The following SGCG variants were observed in gnomAD, a reference collection of about 807,000 sequenced individuals.
SGCG encodes gamma-sarcoglycan.
In SGCG, 26 loss-of-function variants were observed where a neutral mutation model predicts 29.3. The observed-to-expected ratio is 0.89, with a 90% CI of 0.65 to 1.23. SGCG has a LOEUF of 1.23. Ranked by LOEUF, SGCG falls within the 50% of genes most tolerant of loss-of-function variation. The probability of loss-of-function intolerance (pLI) is 0.00; values close to 1 mark genes in which losing one functional copy is unlikely to be tolerated. For synonymous variants in SGCG, 145 were observed against 129.7 expected, an observed-to-expected ratio of 1.12 and a Z score of -0.80; for missense variants, 353 against 356.0, an observed-to-expected ratio of 0.99 and a Z score of 0.07.
intron 3 of SGCG, chr13:23,246,413 C>T (rs1190104607): frequency 6.6e-6 from 1 of 152,248 alleles, no homozygotes; most frequent in Non-Finnish European, 1.5e-5. Context: ...TTGCTGTATT[C>T]CAGGCTGCCT....
the SGCG span, among the ~76,000 whole-genome samples, chr13:23,166,326 G>C: frequency 6.6e-6 from 1 of 152,068 alleles, no homozygotes; most frequent in African/African-American, 2.4e-5. Flanking sequence ...CTCCCGAGTA[G>C]CTGGGACTAC....
At chr13:23,306,250 A>C (rs540031821) in intron 6 of SGCG, among the ~76,000 whole-genome samples, 1 of 152,256 alleles carries the variant, frequency 6.6e-6, no homozygotes, top group East Asian at 1.9e-4. Flanking sequence ...TTCTGGAATA[A>C]TTTGTGGAGT....
At chr13:23,320,253 G>A (rs567253225) in intron 6 of SGCG, among the ~76,000 whole-genome samples, 15 of 152,172 alleles carry the variant, frequency 9.9e-5, no homozygotes, top group African/African-American at 3.4e-4. Context: ...CAACTGTGAA[G>A]AGCCACTGCA....
intron 6 of SGCG, among the ~76,000 whole-genome samples, chr13:23,304,392 A>C (rs34497783): frequency 0.087 from 13,153 of 151,878 alleles, 653 homozygotes; most frequent in South Asian, 0.13. Context: ...GTCTAATTCT[A>C]ATTTTATCTT....
intron 4 of SGCG, among the ~76,000 whole-genome samples, chr13:23,259,884 T>C (rs939300726): frequency 6.6e-6 from 1 of 152,244 alleles, no homozygotes; most frequent in African/African-American, 2.4e-5. Context: ...TGAGTTCTAA[T>C]TTGATTGCAC....
At chr13:23,214,445 A>G (rs987623321) in intron 2 of SGCG, among the ~76,000 whole-genome samples, 24 of 152,204 alleles carry the variant, frequency 1.6e-4, no homozygotes, top group Middle Eastern at 3.2e-3. Context: ...GTGGGAAGGA[A>G]GAGCAGTGCA....
At chr13:23,183,829 A>G (rs1876850217) in intron 1 of SGCG, among the ~76,000 whole-genome samples, 1 of 152,032 alleles carries the variant, frequency 6.6e-6, no homozygotes, top group Admixed American at 6.6e-5. Flanking sequence ...CACCATGCCC[A>G]GCTAATTTTT....
chr13:23,229,667 T>A (rs1879032877), intron 2 of SGCG, among the ~76,000 whole-genome samples: 1 of 152,198 alleles, frequency 6.6e-6, no homozygotes, highest in Non-Finnish European at 1.5e-5. Context: ...AAGTTCCTTG[T>A]AGATTCTGGA....
chr13:23,183,593 T>C (rs1221804953), intron 1 of SGCG, among the ~76,000 whole-genome samples: 1 of 152,216 alleles, frequency 6.6e-6, no homozygotes, highest in African/African-American at 2.4e-5. Flanking sequence ...AGTGACTGTT[T>C]ACCTTTCCCA....
chr13:23,314,382 TTATA>T (rs201480793), intron 6 of SGCG, among the ~76,000 whole-genome samples: 25 of 78,622 alleles, frequency 3.2e-4, no homozygotes, highest in African/African-American at 5.7e-4. Flanking sequence ...CTGCTATAGG[TTATA>T]TATATATATA....
intron 1 of SGCG, 69 bp from the exon 2 acceptor site, chr13:23,203,626 A>T: frequency 8.7e-7 from 1 of 1,148,596 alleles, no homozygotes; most frequent in Non-Finnish European, 1.3e-6. Flanking sequence ...AATCAGTATT[A>T]AACAAGTTGC....
chr13:23,314,187 TATAGAG>T (rs901426286), intron 6 of SGCG, among the ~76,000 whole-genome samples: 6 of 96,862 alleles, frequency 6.2e-5, no homozygotes, highest in African/African-American at 1.2e-4. Context: ...TATATATATA[TATAGAG>T]AGAGAGAGAG....
chr13:23,314,499 A>G (rs1044421586), intron 6 of SGCG, among the ~76,000 whole-genome samples: 3 of 137,936 alleles, frequency 2.2e-5, no homozygotes, highest in Admixed American at 1.5e-4. Context: ...CTGTCCCTCT[A>G]GGGAACCCTG....
chr13:23,242,176 A>G (rs1879538839), intron 3 of SGCG, among the ~76,000 whole-genome samples: 1 of 152,198 alleles, frequency 6.6e-6, no homozygotes, highest in Non-Finnish European at 1.5e-5. Context: ...ATTTTTCCAC[A>G]TACTGTTTGA....
At chr13:23,304,579 G>A (rs1226282006) in intron 6 of SGCG, among the ~76,000 whole-genome samples, 1 of 151,638 alleles carries the variant, frequency 6.6e-6, no homozygotes, top group Admixed American at 6.6e-5. Flanking sequence ...TAAGGAGTCT[G>A]TTAACTAAAT....
intron 2 of SGCG, among the ~76,000 whole-genome samples, chr13:23,211,116 T>A (rs1025829395): frequency 5.9e-5 from 9 of 152,130 alleles, no homozygotes; most frequent in African/African-American, 2.2e-4. Flanking sequence ...CACCCCAGAA[T>A]TAGAAAGATG....
Position 23,324,837 on chromosome 13 carries a change from G to A in SGCG, c.*296G>A, listed in dbSNP as rs115862132. 3.1e-3 allele frequency: 1,222 copies of A among 399,862 alleles called. 15 individuals are homozygous for A. Among genetic ancestry groups the A allele is most frequent in the African/African-American group, 0.022 (1,090 of 48,658 alleles). 24.8% of individuals were successfully genotyped at this position (399,862 alleles called of 1,614,324 possible). A position where few individuals can be genotyped will look rare whatever the true frequency, so the allele number is the denominator to read the frequency against. On this transcript the variant is annotated 3_prime_UTR_variant, in exon 8 of 8. Coordinates refer to ENST00000218867, the MANE Select transcript of SGCG (RefSeq NM_000231.3). ...TCTCTGCCTCGCCTCCCCCTATCTT[G>A]TCCGTGTGGGCACACACTGAGTGTT...
chr13:23,209,319 G>C (rs1878107003), intron 2 of SGCG, among the ~76,000 whole-genome samples: 1 of 152,072 alleles, frequency 6.6e-6, no homozygotes, highest in African/African-American at 2.4e-5. Flanking sequence ...CTAGCAATTA[G>C]GAATTCTCCA....
rs1427483460 is a variant in SGCG at position 23,324,792 on chromosome 13, A to T, written c.*251A>T. On this transcript the variant is annotated 3_prime_UTR_variant, in exon 8 of 8. Coordinates refer to ENST00000218867, the MANE Select transcript of SGCG (RefSeq NM_000231.3). ...GTGTTTTTCCACTGGATTAATTTTC[A>T]CCGGAACAATTGCGAATTCTCTCTG... 4 of 512,204 alleles carry T rather than the reference A, an allele frequency of 7.8e-6. No homozygotes were observed. The highest frequency in any genetic ancestry group is 3.1e-5 in the Admixed American group (1 of 32,112). 31.7% of individuals were successfully genotyped at this position (512,204 alleles called of 1,614,324 possible). A position where few individuals can be genotyped will look rare whatever the true frequency, so the allele number is the denominator to read the frequency against.
Sources: gnomAD v4.1 joint callset for allele counts (sites outside exome capture counted in the v4.1 genomes callset) on GRCh38, gnomAD v4.1.1 for gene constraint, MANE v1.5 for transcripts, NCBI Gene and HGNC (gene_info 2026-07-23, HGNC 2026-07-21) for gene names.